PDZRN4: variants seen among roughly 807,000 people sequenced by gnomAD.
The protein encoded by PDZRN4 is PDZ domain containing ring finger 4.
Under a neutral mutation model 99.0 loss-of-function variants are expected in PDZRN4, and 70 were observed. That is an observed-to-expected ratio of 0.71 (90% confidence interval 0.58 to 0.86). The LOEUF is 0.86. PDZRN4 is among the 40% of genes least tolerant of loss of function. The pLI, the probability that PDZRN4 is intolerant of heterozygous loss-of-function variation, is 0.00. For synonymous variants in PDZRN4, 551 were observed against 501.6 expected (o/e 1.10, Z -1.32); for missense variants, 1,474 against 1,331.2 (o/e 1.11, Z -1.67).
chr12:41,508,480 C>T (rs1250838930), intron 4 of PDZRN4, among the ~76,000 whole-genome samples: 2 of 152,178 alleles, frequency 1.3e-5, no homozygotes, highest in Non-Finnish European at 2.9e-5. Context: ...CAGCACTTGG[C>T]CTTGCATCTG....
chr12:41,260,008 C>G (rs1326985465), intron 3 of PDZRN4, among the ~76,000 whole-genome samples: 1 of 152,040 alleles, frequency 6.6e-6, no homozygotes, highest in East Asian at 1.9e-4. Flanking sequence ...ATACTGTTGG[C>G]AAACTTATTT....
At chr12:41,372,573 A>T (rs1356756712) in intron 3 of PDZRN4, among the ~76,000 whole-genome samples, 1 of 152,194 alleles carries the variant, frequency 6.6e-6, no homozygotes, top group Admixed American at 6.5e-5. Context: ...ATGAAGAGTC[A>T]GGTATACCAG....
chr12:41,520,007 C>A (rs979674750), intron 5 of PDZRN4, among the ~76,000 whole-genome samples: 1 of 152,072 alleles, frequency 6.6e-6, no homozygotes, highest in Non-Finnish European at 1.5e-5. Context: ...CACAAACTGC[C>A]TGCAGTTCCC....
intron 3 of PDZRN4, among the ~76,000 whole-genome samples, chr12:41,461,801 A>G (rs187250570): frequency 2.6e-5 from 4 of 152,280 alleles, no homozygotes; most frequent in African/African-American, 7.2e-5. Flanking sequence ...ATATTGTTTG[A>G]AACTCTCTTA....
At chr12:41,388,965 A>G (rs1952191612) in intron 3 of PDZRN4, among the ~76,000 whole-genome samples, 1 of 152,190 alleles carries the variant, frequency 6.6e-6, no homozygotes, top group Non-Finnish European at 1.5e-5. Flanking sequence ...GCAAATATCA[A>G]TGACTAACTG....
chr12:41,456,097 G>T (rs1952814648), intron 3 of PDZRN4, among the ~76,000 whole-genome samples: 1 of 151,916 alleles, frequency 6.6e-6, no homozygotes, highest in Non-Finnish European at 1.5e-5. Context: ...CTCTCTCTTT[G>T]CTTCCAGTCT....
In PDZRN4 at chr12:41,474,794, G is replaced by A. The variant is rs575707004; in HGVS notation, c.844-31662G>A. Reference sequence around the variant, plus strand: ...AAAAAACTGTGGGACATCCTACAAAGGAAGAATAAAGCAGATGTGAGAACT... The same window carrying A: ...AAAAAACTGTGGGACATCCTACAAAAGAAGAATAAAGCAGATGTGAGAACT... On this transcript the variant is annotated intron_variant, in intron 3 of 9. Transcript: ENST00000402685. 1.7e-3 allele frequency among the ~76,000 whole-genome samples: 257 copies of A among 152,252 alleles called. 2 individuals carry two copies. Among genetic ancestry groups the A allele is most frequent in the African/African-American group, 5.9e-3 (244 of 41,552 alleles).
chr12:41,411,762 A>T (rs1952401659), intron 3 of PDZRN4: 1 of 152,200 alleles, frequency 6.6e-6, no homozygotes, highest in Admixed American at 6.5e-5. Context: ...CCCTGTAGTA[A>T]ACAAAATAGA....
At chr12:41,474,918 A>G (rs1490933985) in intron 3 of PDZRN4, among the ~76,000 whole-genome samples, 1 of 152,214 alleles carries the variant, frequency 6.6e-6, no homozygotes. Context: ...TATCGGATAT[A>G]AAAGAAATTT....
intron 3 of PDZRN4, among the ~76,000 whole-genome samples, chr12:41,487,611 C>T (rs1046853641): frequency 1.3e-5 from 2 of 152,170 alleles, no homozygotes; most frequent in African/African-American, 4.8e-5. Context: ...TGCAAAGTGT[C>T]TATTTACATG....
intron 3 of PDZRN4, among the ~76,000 whole-genome samples, chr12:41,349,992 G>T (rs1565559075): frequency 6.6e-6 from 1 of 151,894 alleles, no homozygotes; most frequent in Non-Finnish European, 1.5e-5. Context: ...TAAAAAAAAT[G>T]AATACTTTAG....
chr12:41,387,366 C>G (rs548316031), intron 3 of PDZRN4, among the ~76,000 whole-genome samples: 1 of 152,160 alleles, frequency 6.6e-6, no homozygotes, highest in East Asian at 1.9e-4. Flanking sequence ...GGTGGATTGC[C>G]TAAGCTCAGG....
intron 3 of PDZRN4, among the ~76,000 whole-genome samples, chr12:41,449,720 A>G (rs1177320723): frequency 6.6e-6 from 1 of 152,232 alleles, no homozygotes; most frequent in Admixed American, 6.5e-5. Context: ...CTAAAATAGG[A>G]TATATCTGTG....
At chr12:41,198,557 CT>C (rs1304517155) in intron 3 of PDZRN4, among the ~76,000 whole-genome samples, 1 of 140,872 alleles carries the variant, frequency 7.1e-6, no homozygotes, top group Non-Finnish European at 1.5e-5. Flanking sequence ...AGGCATTTTC[CT>C]TTTCTTTAGA....
At chr12:41,431,254 AGGT>A in intron 3 of PDZRN4, among the ~76,000 whole-genome samples, 1 of 152,338 alleles carries the variant, frequency 6.6e-6, no homozygotes, top group South Asian at 2.1e-4. Flanking sequence ...ACTCTGTGCC[AGGT>A]ATACTTGACA....
intron 3 of PDZRN4, among the ~76,000 whole-genome samples, chr12:41,201,603 GA>G (rs1449981933): frequency 1.3e-5 from 2 of 152,034 alleles, no homozygotes; most frequent in Non-Finnish European, 2.9e-5. Context: ...ATGAATGGAT[GA>G]ATCTCAAGGT....
intron 3 of PDZRN4, among the ~76,000 whole-genome samples, chr12:41,332,716 A>C (rs1177683183): frequency 6.9e-6 from 1 of 144,434 alleles, no homozygotes; most frequent in East Asian, 2.2e-4. Flanking sequence ...TTTGGAGGTC[A>C]GAATAGCAAG....
intron 3 of PDZRN4, among the ~76,000 whole-genome samples, chr12:41,330,815 T>C (rs1027974724): frequency 2.6e-5 from 4 of 152,106 alleles, no homozygotes; most frequent in Admixed American, 6.6e-5. Context: ...AAAATAAATG[T>C]TGTTGAAACA....
chr12:41,570,716 G>A (rs757168929), intron 9 of PDZRN4, among the ~76,000 whole-genome samples: 5 of 152,130 alleles, frequency 3.3e-5, no homozygotes, highest in Non-Finnish European at 5.9e-5. Context: ...GTTATATGGT[G>A]TAGTATAAAG....
Sources: allele counts gnomAD v4.1 joint callset (sites outside exome capture counted in the v4.1 genomes callset), GRCh38; gene constraint gnomAD v4.1.1; transcripts MANE v1.5; gene names NCBI Gene and HGNC (gene_info 2026-07-23, HGNC 2026-07-21).